Variants in YTHDF2 observed in about 807,000 individuals in gnomAD.
The protein encoded by YTHDF2 is YTH domain-containing family protein 2.
A neutral mutation model predicts 50.4 loss-of-function variants in YTHDF2; 2 were observed. The observed-to-expected ratio is 0.04, with a 90% CI of 0.02 to 0.12. The LOEUF is 0.12. Ranked by LOEUF, YTHDF2 falls within the 10% of genes least tolerant of loss-of-function variation. YTHDF2 has a pLI of 1.00. For missense variants in YTHDF2, 483 were observed against 722.6 expected (o/e 0.67, Z 3.80); for synonymous variants, 217 against 255.6 (o/e 0.85, Z 1.44).
chr1:28,768,798 A>G (rs1211228179), intron 4 of YTHDF2, 131 bp from the exon 5 acceptor site: 3 of 700,670 alleles, frequency 4.3e-6, no homozygotes, highest in African/African-American at 3.6e-5. Context: ...GGAATGTTCT[A>G]CTTAGAATAA....
At chr1:28,749,637 TAGTCAAGAATAAGGGAAGC>T (rs1354917013) in intron 4 of YTHDF2, among the ~76,000 whole-genome samples, 1 of 152,058 alleles carries the variant, frequency 6.6e-6, no homozygotes, top group Non-Finnish European at 1.5e-5. Context: ...ATGAGGGAAG[TAGTCAAGAATAAGGGAAGC>T]AGTCAAGTAG....
intron 4 of YTHDF2, among the ~76,000 whole-genome samples, chr1:28,764,407 A>G (rs963978177): frequency 4.0e-5 from 6 of 151,656 alleles, no homozygotes; most frequent in Non-Finnish European, 7.4e-5. Context: ...AATGGCTGGG[A>G]TTACAGGCGC....
At chr1:28,737,631 G>T in intron 1 of YTHDF2, 27 bp from the exon 2 acceptor site, 2 of 1,613,686 alleles carry the variant, frequency 1.2e-6, no homozygotes. Flanking sequence ...ACAACTTGCT[G>T]CTCGGCGACG....
chr1:28,745,405 C>T (rs2087842089), intron 4 of YTHDF2, among the ~76,000 whole-genome samples: 1 of 152,338 alleles, frequency 6.6e-6, no homozygotes, highest in African/African-American at 2.4e-5. Context: ...CTTTAAACTC[C>T]TCTCTTCCCC....
intron 4 of YTHDF2, among the ~76,000 whole-genome samples, chr1:28,766,759 C>T (rs2088224519): frequency 6.6e-6 from 1 of 151,878 alleles, no homozygotes; most frequent in Non-Finnish European, 1.5e-5. Context: ...CAGATTTGGC[C>T]AGTGGGAGGT....
At chr1:28,762,168 G>A (rs1367661322) in intron 4 of YTHDF2, among the ~76,000 whole-genome samples, 3 of 152,144 alleles carry the variant, frequency 2.0e-5, no homozygotes, top group Non-Finnish European at 4.4e-5. Flanking sequence ...TGAGGCGGGC[G>A]GATCACGAGG....
At chr1:28,751,372 T>C (rs938844082) in intron 4 of YTHDF2, among the ~76,000 whole-genome samples, 1 of 152,144 alleles carries the variant, frequency 6.6e-6, no homozygotes, top group African/African-American at 2.4e-5. Context: ...ATTTAGTATC[T>C]TACCACCCCA....
At chr1:28,745,193 T>G (rs1250669474) in intron 4 of YTHDF2, among the ~76,000 whole-genome samples, 2 of 152,206 alleles carry the variant, frequency 1.3e-5, no homozygotes, top group Non-Finnish European at 2.9e-5. Context: ...AATTTACTCC[T>G]TTTAGCAGTG....
chr1:28,763,813 A>G (rs1437165864), intron 4 of YTHDF2, among the ~76,000 whole-genome samples: 1 of 149,734 alleles, frequency 6.7e-6, no homozygotes, highest in Non-Finnish European at 1.5e-5. Flanking sequence ...GACAATTTAT[A>G]ATTGTATATA....
intron 1 of YTHDF2, 120 bp from the exon 2 acceptor site, chr1:28,737,538 T>A: frequency 7.3e-7 from 1 of 1,375,140 alleles, no homozygotes; most frequent in Non-Finnish European, 1.0e-6. Flanking sequence ...CTACCATTCC[T>A]GACGCCTCCC....
chr1:28,750,093 C>A (rs755336218), intron 4 of YTHDF2, among the ~76,000 whole-genome samples: 2 of 139,344 alleles, frequency 1.4e-5, no homozygotes, highest in African/African-American at 2.7e-5. Flanking sequence ...CAGGTTCAAG[C>A]GATTCTCCTG....
intron 4 of YTHDF2, among the ~76,000 whole-genome samples, chr1:28,747,136 G>C (rs536294683): frequency 7.2e-4 from 109 of 152,342 alleles, no homozygotes; most frequent in Non-Finnish European, 1.1e-3. Flanking sequence ...GTTTGCTAGA[G>C]TGGTTCAGTT....
At chr1:28,763,956 T>C (rs1025746591) in intron 4 of YTHDF2, among the ~76,000 whole-genome samples, 1 of 88,380 alleles carries the variant, frequency 1.1e-5, no homozygotes, top group African/African-American at 5.7e-5. Flanking sequence ...TTATTTATTT[T>C]ATTTTTTTTT....
intron 4 of YTHDF2, among the ~76,000 whole-genome samples, chr1:28,759,690 G>A (rs1449473011): frequency 6.6e-6 from 1 of 152,126 alleles, no homozygotes; most frequent in Non-Finnish European, 1.5e-5. Flanking sequence ...GTACGGTGGT[G>A]CACGCCTGTA....
intron 3 of YTHDF2, 35 bp downstream of exon 3, chr1:28,738,373 G>T (rs1400652890): frequency 6.6e-7 from 1 of 1,518,430 alleles, no homozygotes; most frequent in Non-Finnish European, 9.1e-7. Context: ...CTAATCGAAG[G>T]GTGTGGTATA....
intron 4 of YTHDF2, among the ~76,000 whole-genome samples, chr1:28,752,148 C>G (rs2087964281): frequency 6.6e-6 from 1 of 152,196 alleles, no homozygotes; most frequent in Non-Finnish European, 1.5e-5. Context: ...GAATACCTTT[C>G]TGTACATTAA....
At chr1:28,739,498 C>T (rs1209681675) in intron 3 of YTHDF2, among the ~76,000 whole-genome samples, 1 of 151,664 alleles carries the variant, frequency 6.6e-6, no homozygotes, top group Non-Finnish European at 1.5e-5. Context: ...GGGGGTTTCA[C>T]TATGTTGCCC....
chr1:28,757,479 C>T (rs1363700383), intron 4 of YTHDF2, among the ~76,000 whole-genome samples: 1 of 152,126 alleles, frequency 6.6e-6, no homozygotes, highest in Non-Finnish European at 1.5e-5. Context: ...TGTTGGTTCT[C>T]AAGAGATGTT....
At chr1:28,745,259 A>C (rs1437155313) in intron 4 of YTHDF2, among the ~76,000 whole-genome samples, 1 of 152,104 alleles carries the variant, frequency 6.6e-6, no homozygotes, top group African/African-American at 2.4e-5. Context: ...TAAAGTAGGG[A>C]TGGTTGCTAT....
Sources: allele counts gnomAD v4.1 joint callset (sites outside exome capture counted in the v4.1 genomes callset), GRCh38; gene constraint gnomAD v4.1.1; transcripts MANE v1.5; gene names NCBI Gene and HGNC (gene_info 2026-07-23, HGNC 2026-07-21).